CRLF1: variants seen among roughly 807,000 people sequenced by gnomAD.
CRLF1 encodes the protein cytokine receptor like factor 1, also known as cytokine receptor-like factor 1.
CRLF1 carries 36 observed loss-of-function variants against 48.9 expected under a neutral mutation model. That is an observed-to-expected ratio of 0.74 (90% CI 0.56 to 0.97). CRLF1 has a LOEUF of 0.97. Among genes scored for constraint, CRLF1 ranks in the 50% least tolerant of loss-of-function variants. The pLI, the probability that CRLF1 is intolerant of heterozygous loss-of-function variation, is 0.00. For missense variants in CRLF1, 534 were observed against 575.1 expected, an observed-to-expected ratio of 0.93 and a Z score of 0.73; for synonymous variants, 256 against 253.4, an observed-to-expected ratio of 1.01 and a Z score of -0.10.
intron 6 of CRLF1, 122 bp downstream of exon 6, chr19:18,596,500 A>G: frequency 8.2e-7 from 1 of 1,216,780 alleles, no homozygotes; most frequent in Non-Finnish European, 1.1e-6. Flanking sequence ...AGATCACACC[A>G]CTATGCGACA....
At chr19:18,594,221 C>T (rs752079125) in intron 7 of CRLF1, 26 bp downstream of exon 7, 4 of 1,612,552 alleles carry the variant, frequency 2.5e-6, no homozygotes, top group Non-Finnish European at 1.7e-6. Context: ...TCCCCACCCC[C>T]ACGCCCGAGG....
chr19:18,593,627 C>T (rs761793607), intron 8 of CRLF1, 48 bp from the exon 9 acceptor site: 7 of 1,576,316 alleles, frequency 4.4e-6, no homozygotes, highest in Middle Eastern at 3.3e-4. Context: ...CAGGAGAGGG[C>T]CGCACCACAG....
At chr19:18,598,385 GT>G (rs1260462808) in intron 4 of CRLF1, 46 bp downstream of exon 4, 1 of 1,573,774 alleles carries the variant, frequency 6.4e-7, no homozygotes, top group East Asian at 2.2e-5. Flanking sequence ...TGCTCGGTGG[GT>G]GGGGCTGGTG....
chr19:18,596,245 A>C (rs187815457), intron 6 of CRLF1, among the ~76,000 whole-genome samples: 2 of 152,152 alleles, frequency 1.3e-5, no homozygotes, highest in Non-Finnish European at 2.9e-5. Flanking sequence ...TCTTGGAGAC[A>C]ATCAGGAAAC....
rs994782316 is a variant in CRLF1 at position 18,593,470 on chromosome 19, T to C, written c.*96A>G. On this transcript the variant is annotated 3_prime_UTR_variant, in exon 9 of 9. Coordinates refer to ENST00000392386, the MANE Select transcript of CRLF1 (RefSeq NM_004750.5). ...CACCCCAGCTCCTGCTGAGGGTGGC[T>C]CAGGTGCCCTGAAGTGAGGGTACAG... is the stretch of plus-strand genomic sequence containing the variant. The C allele has an allele frequency of 4.1e-5, 64 of 1,555,600 alleles. No individual in the cohort carries two copies. In the East Asian group the frequency reaches 1.5e-3, roughly 36 times the overall value.
At position 18,594,079 on chromosome 19, in the gene CRLF1, C is replaced by A; in HGVS notation, c.1241G>T (p.Arg414Leu). 6.4e-7 allele frequency: 1 copy of A among 1,557,844 alleles called. No individual in the cohort carries two copies. Among genetic ancestry groups the A allele is most frequent in the Non-Finnish European group, 8.7e-7 (1 of 1,151,550 alleles). ...QDEGILPSGRRGTARGPAR is the reference protein window; with the variant it reads ...QDEGILPSGRLGTARGPAR ...GCCCACCTTACCTCTCGCCGTGCCC[C>A]GTCTGCCCGAGGGCAGGATCCCCTC... The change falls in exon 8 of 9, where the codon CGG (arginine) becomes CTG (leucine). Residue 414 changes from arginine (R) to leucine (L), a missense_variant. Arg to Leu is a moderately radical substitution (Grantham distance 102). Around this residue, in one of 2 missense-constraint regions of CRLF1, gnomAD observed 528 missense variants for 555.7 expected, o/e 0.95. Transcript: ENST00000392386.
Position 18,593,968 on chromosome 19 carries a change from T to A in CRLF1, c.1255+97A>T, listed in dbSNP as rs137942613. ...GATTCCATCTCAGCGACTCTAAGGCTGGGGTTGGGAGGCGTGGGGGTGTGA... is the reference window on the plus strand; with the variant it reads ...GATTCCATCTCAGCGACTCTAAGGCAGGGGTTGGGAGGCGTGGGGGTGTGA... On this transcript the variant is annotated intron_variant, in intron 8 of 8. Transcript: ENST00000392386. 1,333 of 1,513,464 alleles carry A rather than the reference T, an allele frequency of 8.8e-4. 15 individuals are homozygous for A. The African/African-American group carries it at 0.017, about 19-fold the overall frequency. The allele number at this position is 1,513,464 out of a possible 1,614,324, so 93.8% of individuals were successfully genotyped here.
chr19:18,597,029 C>G lies in CRLF1; in HGVS notation c.718G>C (p.Asp240His), dbSNP rs764135517. The G allele has an allele frequency of 3.1e-6, 5 of 1,612,514 alleles. No homozygotes were observed. Among genetic ancestry groups the G allele is most frequent in the Non-Finnish European group, 4.2e-6 (5 of 1,179,548 alleles). ...CCCCCGACGCGGCTCACGTGCACGTCGGGCGGGGGGTCCGTGGTCACTGCG... is the reference window on the plus strand; with the variant it reads ...CCCCCGACGCGGCTCACGTGCACGTGGGGCGGGGGGTCCGTGGTCACTGCG... ...LDVVTTDPPP[D>H]VHVSRVGGLE... The change falls in exon 5 of 9, where the codon GAC (aspartate) becomes CAC (histidine). Residue 240 changes from aspartate to histidine, a missense_variant. By Grantham distance (81) the Asp-to-His change is moderately conservative. This residue lies in a region of CRLF1 where 528 missense variants were observed against 555.7 expected (regional missense o/e 0.95). Coordinates refer to ENST00000392386, the MANE Select transcript of CRLF1 (RefSeq NM_004750.5).
At chr19:18,603,635 C>T (rs1976247587) in intron 1 of CRLF1, among the ~76,000 whole-genome samples, 1 of 152,212 alleles carries the variant, frequency 6.6e-6, no homozygotes, top group South Asian at 2.1e-4. Flanking sequence ...TGATCCTGGC[C>T]CCCAGGGAGG....
At chr19:18,605,740 G>A (rs79286782) in intron 1 of CRLF1, among the ~76,000 whole-genome samples, 7,540 of 152,196 alleles carry the variant, frequency 0.05, 238 homozygotes, top group Admixed American at 0.071. Flanking sequence ...TGGATGGGGG[G>A]CCCCAGAGTG....
chr19:18,594,183 C>A lies in CRLF1; in HGVS notation c.1212+64G>T, dbSNP rs1228418869. The A allele has an allele frequency of 3.1e-6, 5 of 1,603,686 alleles. No individual in the cohort carries two copies. In the East Asian group the frequency reaches 1.1e-4, roughly 36 times the overall value. On this transcript the variant is annotated intron_variant, in intron 7 of 8. Coordinates refer to ENST00000392386, the MANE Select transcript of CRLF1 (RefSeq NM_004750.5). ...CACAGCCTGCTGTCTTCCCCCTCCC[C>A]TGTTTTCTGGGCCCCCCCAGCTCCC...
chr19:18,603,052 G>A (rs1008889870), intron 1 of CRLF1, among the ~76,000 whole-genome samples: 6 of 152,188 alleles, frequency 3.9e-5, no homozygotes, highest in Admixed American at 6.5e-5. Flanking sequence ...GGGGCTTCTC[G>A]TTCCACACAG....
intron 1 of CRLF1, among the ~76,000 whole-genome samples, chr19:18,602,595 G>C (rs1403900779): frequency 6.6e-6 from 1 of 151,742 alleles, no homozygotes; most frequent in African/African-American, 2.4e-5. Flanking sequence ...TCCAGCCTGG[G>C]TGACAGTGAG....
intron 1 of CRLF1, among the ~76,000 whole-genome samples, chr19:18,604,513 GC>G (rs2145337200): frequency 6.6e-6 from 1 of 152,342 alleles, no homozygotes; most frequent in Admixed American, 6.5e-5. Flanking sequence ...AGATGTGATT[GC>G]AATCCAATGT....
chr19:18,593,485 T>G lies in CRLF1; in HGVS notation c.*81A>C. On this transcript the variant is annotated 3_prime_UTR_variant, in exon 9 of 9. Transcript: ENST00000392386. ...TGAGGGTGGCTCAGGTGCCCTGAAG[T>G]GAGGGTACAGAGGTGGCCCCAGTTT... The G allele has an allele frequency of 6.3e-7, 1 of 1,585,070 alleles. No individual in the cohort carries two copies. The highest frequency in any genetic ancestry group is 8.6e-7 in the Non-Finnish European group (1 of 1,164,336).
intron 6 of CRLF1, among the ~76,000 whole-genome samples, chr19:18,595,294 G>A (rs927520830): frequency 3.3e-5 from 5 of 152,234 alleles, no homozygotes; most frequent in Non-Finnish European, 2.9e-5. Context: ...CCGGGCACGA[G>A]CAGGGGCCAA....
chr19:18,602,472 G>T (rs575094612), intron 1 of CRLF1, among the ~76,000 whole-genome samples: 2 of 152,052 alleles, frequency 1.3e-5, no homozygotes, highest in South Asian at 4.2e-4. Context: ...GCCAGGTGGG[G>T]AGGGGGTGGT....
intron 6 of CRLF1, among the ~76,000 whole-genome samples, chr19:18,595,564 TG>T (rs1341132317): frequency 6.6e-6 from 1 of 152,168 alleles, no homozygotes; most frequent in South Asian, 2.1e-4. Context: ...AGTGAAACCC[TG>T]GGGGGATGGG....
chr19:18,593,983 T>TG, intron 8 of CRLF1, 82 bp downstream of exon 8: 2 of 1,522,388 alleles, frequency 1.3e-6, no homozygotes, highest in South Asian at 1.2e-5. Context: ...TTGGGAGGCG[T>TG]GGGGGTGTGA....
Sources: gnomAD v4.1 joint callset for allele counts (sites outside exome capture counted in the v4.1 genomes callset) on GRCh38, gnomAD v4.1.1 for gene constraint, gnomAD v4.1.1 regional missense constraint, MANE v1.5 for transcripts, NCBI Gene and HGNC (gene_info 2026-07-23, HGNC 2026-07-21) for gene names.